Variants in COX10 observed in about 807,000 individuals in gnomAD.
The protein encoded by COX10 is protoheme IX farnesyltransferase, mitochondrial.
A neutral mutation model predicts 37.3 loss-of-function variants in COX10; 27 were observed. That is an observed-to-expected ratio of 0.72 (90% CI 0.53 to 1.00). The LOEUF is 1.00. Ranked by LOEUF, COX10 falls within the 50% of genes least tolerant of loss-of-function variation. COX10 has a pLI of 0.00. For missense variants in COX10, 475 were observed against 563.2 expected (o/e 0.84, Z 1.59); for synonymous variants, 222 against 229.1 (o/e 0.97, Z 0.28).
intron 3 of COX10, among the ~76,000 whole-genome samples, chr17:14,097,231 C>T (rs1205469221): frequency 1.3e-5 from 2 of 151,950 alleles, no homozygotes; most frequent in Admixed American, 6.6e-5. Context: ...GTCAATTTTA[C>T]TCGTACAATT....
intron 4 of COX10, among the ~76,000 whole-genome samples, chr17:14,139,016 A>G (rs938114762): frequency 1.3e-5 from 2 of 152,170 alleles, no homozygotes; most frequent in African/African-American, 2.4e-5. Flanking sequence ...CAGTTTCCTC[A>G]TCTTTAAAAT....
chr17:14,132,922 A>G (rs1384046855), intron 4 of COX10, among the ~76,000 whole-genome samples: 4 of 151,746 alleles, frequency 2.6e-5, no homozygotes, highest in Non-Finnish European at 5.9e-5. Context: ...TAGAACTTTA[A>G]CCATTCTTAT....
intron 4 of COX10, among the ~76,000 whole-genome samples, chr17:14,120,795 A>G (rs940871206): frequency 6.6e-6 from 1 of 152,210 alleles, no homozygotes; most frequent in African/African-American, 2.4e-5. Context: ...AGTGAAAACT[A>G]TATCCTCTGG....
chr17:14,205,445 G>A (rs1906668239), intron 6 of COX10, among the ~76,000 whole-genome samples: 1 of 152,206 alleles, frequency 6.6e-6, no homozygotes, highest in Non-Finnish European at 1.5e-5. Context: ...TGACTTTAGA[G>A]TCACTAGTGT....
At chr17:14,160,543 G>A (rs565741146) in intron 5 of COX10, among the ~76,000 whole-genome samples, 1 of 152,192 alleles carries the variant, frequency 6.6e-6, no homozygotes, top group Non-Finnish European at 1.5e-5. Context: ...AATAAAAAGG[G>A]CCAAATGGTT....
At chr17:14,182,398 A>C (rs1424455348) in intron 5 of COX10, 2 of 831,756 alleles carry the variant, frequency 2.4e-6, no homozygotes, top group Non-Finnish European at 2.9e-6. Flanking sequence ...CATTTCTTTT[A>C]AACATGTTTT....
intron 3 of COX10, among the ~76,000 whole-genome samples, chr17:14,081,539 G>C (rs962179033): frequency 6.6e-6 from 1 of 152,176 alleles, no homozygotes; most frequent in African/African-American, 2.4e-5. Context: ...GCTCTATCCT[G>C]TTCTGTGAGA....
intron 4 of COX10, among the ~76,000 whole-genome samples, chr17:14,103,248 A>G (rs182067889): frequency 5.3e-4 from 80 of 152,270 alleles, no homozygotes; most frequent in Middle Eastern, 3.4e-3. Flanking sequence ...CTACCTTCCC[A>G]TGTTTTCTGG....
intron 4 of COX10, among the ~76,000 whole-genome samples, chr17:14,154,450 G>A (rs1904989440): frequency 6.6e-6 from 1 of 152,124 alleles, no homozygotes; most frequent in African/African-American, 2.4e-5. Context: ...ATGAGTGTTT[G>A]TTTTATTTGC....
At chr17:14,205,697 TG>T (rs1176298013) in intron 6 of COX10, among the ~76,000 whole-genome samples, 1 of 152,206 alleles carries the variant, frequency 6.6e-6, no homozygotes, top group Non-Finnish European at 1.5e-5. Context: ...AGAAGGACCC[TG>T]GCCTGAAAAT....
intron 5 of COX10, chr17:14,179,276 T>C (rs1905783547): frequency 1.1e-6 from 1 of 936,268 alleles, no homozygotes; most frequent in Non-Finnish European, 1.3e-6. Context: ...GACTTATATT[T>C]TTAAGGTATC....
At chr17:14,189,779 TAC>T (rs1449040696) in intron 5 of COX10, among the ~76,000 whole-genome samples, 19 of 152,170 alleles carry the variant, frequency 1.2e-4, no homozygotes, top group African/African-American at 4.3e-4. Flanking sequence ...TGGTGAGGGA[TAC>T]AGTTGAGGAA....
chr17:14,110,748 C>T lies in COX10; in HGVS notation c.624+8506C>T, dbSNP rs953531888. Among the ~76,000 whole-genome samples the T allele has an allele frequency of 1.3e-4, 20 of 152,048 alleles. 1 individual carries two copies. The highest frequency in any genetic ancestry group is 2.2e-4 in the Non-Finnish European group (15 of 68,004). The stretch of plus-strand genomic sequence containing the variant: ...CTCCCTGTTATCTGGGTTAGATTGA[C>T]TGTTGGTTGACTGATGACTGATGGC... On this transcript the variant is annotated intron_variant, in intron 4 of 6. Transcript: ENST00000261643.
At chr17:14,149,632 A>C (rs1904831110) in intron 4 of COX10, among the ~76,000 whole-genome samples, 1 of 151,982 alleles carries the variant, frequency 6.6e-6, no homozygotes, top group Admixed American at 6.6e-5. Flanking sequence ...GGTGGCTAGG[A>C]GTGTGGAAGG....
intron 4 of COX10, among the ~76,000 whole-genome samples, chr17:14,109,001 T>TCATA (rs55832421): frequency 0.03 from 4,622 of 152,264 alleles, 110 homozygotes; most frequent in Non-Finnish European, 0.045. Flanking sequence ...TTATTGAACA[T>TCATA]CATACATATA....
At chr17:14,174,785 G>T (rs1446976482) in intron 5 of COX10, among the ~76,000 whole-genome samples, 1 of 151,274 alleles carries the variant, frequency 6.6e-6, no homozygotes, top group Non-Finnish European at 1.5e-5. Context: ...TCCTGTGTAT[G>T]TATGGACACA....
chr17:14,191,945 T>C (rs1906213379), intron 5 of COX10, 44 bp from the exon 6 acceptor site: 1 of 1,601,502 alleles, frequency 6.2e-7, no homozygotes, highest in African/African-American at 1.3e-5. Flanking sequence ...TGTGATTGAG[T>C]TGAGTTGGAG....
chr17:14,075,447 G>A (rs1156295867), intron 2 of COX10, among the ~76,000 whole-genome samples: 1 of 152,128 alleles, frequency 6.6e-6, no homozygotes, highest in Admixed American at 6.5e-5. Flanking sequence ...ATAGCTGGTT[G>A]TTGGCTGTTG....
chr17:14,071,043 G>T (rs891159198), intron 1 of COX10, among the ~76,000 whole-genome samples: 4 of 152,124 alleles, frequency 2.6e-5, no homozygotes, highest in Non-Finnish European at 5.9e-5. Context: ...TTAAAGTCCT[G>T]TGATTCTTTT....
Sources: allele counts gnomAD v4.1 joint callset (sites outside exome capture counted in the v4.1 genomes callset), GRCh38; gene constraint gnomAD v4.1.1; transcripts MANE v1.5; gene names NCBI Gene and HGNC (gene_info 2026-07-23, HGNC 2026-07-21).